The following DGKI variants were observed in gnomAD, a reference collection of about 807,000 sequenced individuals.
DGKI encodes the protein DAG kinase iota.
In DGKI, 55 loss-of-function variants were observed where a neutral mutation model predicts 147.5. The observed-to-expected ratio is 0.37, with a 90% CI of 0.30 to 0.47. The LOEUF is 0.47. DGKI is among the 20% of genes least tolerant of loss of function. DGKI has a pLI of 1.00. For synonymous variants in DGKI, 469 were observed against 477.1 expected (o/e 0.98, Z 0.22); for missense variants, 1,007 against 1,323.8 (o/e 0.76, Z 3.71).
chr7:137,542,995 T>C (rs1304544223), intron 20 of DGKI, among the ~76,000 whole-genome samples: 5 of 152,114 alleles, frequency 3.3e-5, no homozygotes, highest in Non-Finnish European at 2.9e-5. Flanking sequence ...ATGAATAAAT[T>C]AGGTGTAAAT....
intron 20 of DGKI, among the ~76,000 whole-genome samples, chr7:137,523,339 A>G (rs1451517733): frequency 1.3e-5 from 2 of 152,080 alleles, no homozygotes; most frequent in Non-Finnish European, 2.9e-5. Flanking sequence ...AACTCCCTCC[A>G]TATGGAATCC....
intron 30 of DGKI, among the ~76,000 whole-genome samples, chr7:137,403,492 G>C (rs980762619): frequency 1.3e-5 from 2 of 152,074 alleles, no homozygotes; most frequent in East Asian, 3.9e-4. Flanking sequence ...TGATGGTGGC[G>C]GCCCACACTC....
chr7:137,828,285 C>A (rs1563216643), intron 1 of DGKI, among the ~76,000 whole-genome samples: 3 of 152,152 alleles, frequency 2.0e-5, no homozygotes, highest in Admixed American at 6.6e-5. Flanking sequence ...ATTTTGGATT[C>A]TTCACCAAGT....
chr7:137,819,343 G>T (rs1012549875), intron 1 of DGKI, among the ~76,000 whole-genome samples: 1 of 145,852 alleles, frequency 6.9e-6, no homozygotes, highest in Non-Finnish European at 1.5e-5. Context: ...ACAGAGTCTC[G>T]CTCTGTCGCC....
chr7:137,620,966 T>C (rs1820728658), intron 7 of DGKI, among the ~76,000 whole-genome samples: 1 of 152,186 alleles, frequency 6.6e-6, no homozygotes, highest in Non-Finnish European at 1.5e-5. Context: ...ATGTTAAAAG[T>C]AAAAAGTATC....
At chr7:137,446,694 C>T (rs1273974281) in intron 27 of DGKI, among the ~76,000 whole-genome samples, 5 of 151,970 alleles carry the variant, frequency 3.3e-5, no homozygotes, top group African/African-American at 1.2e-4. Context: ...CCATTGCACT[C>T]CAGCCTGGGT....
intron 20 of DGKI, among the ~76,000 whole-genome samples, chr7:137,545,550 C>A (rs1817835901): frequency 6.6e-6 from 1 of 152,140 alleles, no homozygotes; most frequent in Non-Finnish European, 1.5e-5. Flanking sequence ...GGGCTGCAGG[C>A]ACTTCCTCGA....
At chr7:137,435,891 T>C (rs1168410970) in intron 28 of DGKI, among the ~76,000 whole-genome samples, 1 of 152,140 alleles carries the variant, frequency 6.6e-6, no homozygotes, top group Non-Finnish European at 1.5e-5. Flanking sequence ...ATGCTTCTCT[T>C]CCCTCAGCCT....
At chr7:137,828,538 T>C (rs139871235) in intron 1 of DGKI, among the ~76,000 whole-genome samples, 118 of 152,330 alleles carry the variant, frequency 7.7e-4, no homozygotes, top group African/African-American at 2.7e-3. Context: ...TCATTTCTCA[T>C]CTTCTAAAGC....
rs941671107 is a variant in DGKI at position 137,796,652 on chromosome 7, G to A, written c.401+49810C>T. Among the ~76,000 whole-genome samples the A allele has an allele frequency of 1.8e-4, 27 of 152,222 alleles. No individual in the cohort carries two copies. In the East Asian group the frequency reaches 2.1e-3, roughly 12 times the overall value. Reference sequence around the variant, plus strand: ...GAGCCAAATAGAAATTCTAGAGTTCGAAAGTGCAATAACGTAAATGAAAAA... The same window carrying A: ...GAGCCAAATAGAAATTCTAGAGTTCAAAAGTGCAATAACGTAAATGAAAAA... On this transcript the variant is annotated intron_variant, in intron 1 of 32. Transcript: ENST00000614521.
chr7:137,528,382 C>T (rs1056859266), intron 20 of DGKI, among the ~76,000 whole-genome samples: 28 of 152,142 alleles, frequency 1.8e-4, no homozygotes, highest in Admixed American at 5.2e-4. Flanking sequence ...AATAATGCCT[C>T]GGAAATCTGA....
chr7:137,413,730 T>C (rs1435938083), intron 28 of DGKI, among the ~76,000 whole-genome samples: 1 of 152,216 alleles, frequency 6.6e-6, no homozygotes, highest in Non-Finnish European at 1.5e-5. Flanking sequence ...TTGTAAATAG[T>C]ACTAAGATGA....
intron 1 of DGKI, among the ~76,000 whole-genome samples, chr7:137,792,381 G>A (rs1444159897): frequency 6.6e-6 from 1 of 152,128 alleles, no homozygotes; most frequent in Non-Finnish European, 1.5e-5. Flanking sequence ...TACATTGAGA[G>A]ATATTTTATT....
chr7:137,469,735 ATTTT>A lies in DGKI; in HGVS notation c.2374-120_2374-117del, dbSNP rs923097799. On this transcript the variant is annotated intron_variant, in intron 23 of 32. Transcript: ENST00000614521. ...AGCACTGGTGAGAAGAGCAAATCAC[ATTTT>A]TTTTTCTCTAGGAACACAAAGAAGG... is the stretch of plus-strand genomic sequence containing the variant. 3 of 762,968 alleles carry A rather than the reference ATTTT, an allele frequency of 3.9e-6. No homozygotes were observed. The African/African-American group carries it at 5.3e-5, about 14-fold the overall frequency. The allele number at this position is 762,968 out of a possible 1,614,324, so 47.3% of individuals were successfully genotyped here.
chr7:137,524,085 C>A (rs2128953767), intron 20 of DGKI, among the ~76,000 whole-genome samples: 1 of 144,266 alleles, frequency 6.9e-6, no homozygotes, highest in East Asian at 1.9e-4. Flanking sequence ...GCTCAGATTT[C>A]TTTCTTTATC....
chr7:137,498,756 C>T (rs542545024), intron 21 of DGKI, among the ~76,000 whole-genome samples: 1 of 152,244 alleles, frequency 6.6e-6, no homozygotes, highest in Non-Finnish European at 1.5e-5. Flanking sequence ...GTTGAATTTG[C>T]AATACGAATG....
At chr7:137,477,596 A>G (rs568830034) in intron 23 of DGKI, among the ~76,000 whole-genome samples, 2 of 152,344 alleles carry the variant, frequency 1.3e-5, no homozygotes, top group African/African-American at 4.8e-5. Context: ...TTAAAAATAA[A>G]TTGTGGTATA....
At chr7:137,642,063 AT>A (rs1821646664) in intron 6 of DGKI, among the ~76,000 whole-genome samples, 1 of 152,180 alleles carries the variant, frequency 6.6e-6, no homozygotes, top group South Asian at 2.1e-4. Flanking sequence ...AAAAGTATGC[AT>A]TCTGCCTCCA....
chr7:137,695,537 T>C (rs1278506177), intron 1 of DGKI, among the ~76,000 whole-genome samples: 2 of 152,222 alleles, frequency 1.3e-5, no homozygotes, highest in Non-Finnish European at 2.9e-5. Context: ...TTTTTTATAA[T>C]AGATGTTCTC....
Sources: gnomAD v4.1 joint callset for allele counts (sites outside exome capture counted in the v4.1 genomes callset) on GRCh38, gnomAD v4.1.1 for gene constraint, MANE v1.5 for transcripts, NCBI Gene and HGNC (gene_info 2026-07-23, HGNC 2026-07-21) for gene names.